CDKAL1: variants seen among roughly 807,000 people sequenced by gnomAD.
CDKAL1 encodes CDKAL1 threonylcarbamoyladenosine tRNA methylthiotransferase.
Under a neutral mutation model 68.2 loss-of-function variants are expected in CDKAL1, and 32 were observed. That is an observed-to-expected ratio of 0.47 (90% confidence interval 0.35 to 0.63). The LOEUF is 0.63. CDKAL1 is among the 30% of genes least tolerant of loss of function. The pLI is 0.00. For missense variants in CDKAL1, 606 were observed against 696.7 expected, an observed-to-expected ratio of 0.87 and a Z score of 1.47; for synonymous variants, 234 against 244.3, an observed-to-expected ratio of 0.96 and a Z score of 0.39.
At chr6:20,659,686 T>G (rs1234374437) in intron 5 of CDKAL1, among the ~76,000 whole-genome samples, 3 of 152,216 alleles carry the variant, frequency 2.0e-5, no homozygotes, top group East Asian at 3.9e-4. Flanking sequence ...TATATCCCAC[T>G]GCTTCCTTGA....
chr6:20,603,335 G>T (rs905649927), intron 4 of CDKAL1, among the ~76,000 whole-genome samples: 2 of 152,150 alleles, frequency 1.3e-5, no homozygotes, highest in Non-Finnish European at 1.5e-5. Context: ...TTAGCCATAG[G>T]TTGGGAACAA....
In CDKAL1 at chr6:20,586,978, G is replaced by GTTTTT. The variant is rs750210435; in HGVS notation, c.286+38294_286+38298dup. Among the ~76,000 whole-genome samples the GTTTTT allele has an allele frequency of 5.7e-3, 252 of 44,416 alleles. 22 individuals carry two copies. Among genetic ancestry groups the GTTTTT allele is most frequent in the African/African-American group, 0.012 (124 of 10,478 alleles). 29.1% of individuals were successfully genotyped at this position (44,416 alleles called of 152,430 possible). ...TGCCTGGAATGTTCTTCCTCCAGGT[G>GTTTTT]TTTTTTTTTTTTTTTTTTTTTTTTT... On this transcript the variant is annotated intron_variant, in intron 4 of 15. Coordinates refer to ENST00000274695, the MANE Select transcript of CDKAL1 (RefSeq NM_017774.3).
At chr6:21,100,203 A>G (rs1014421983) in intron 12 of CDKAL1, among the ~76,000 whole-genome samples, 1 of 152,206 alleles carries the variant, frequency 6.6e-6, no homozygotes, top group African/African-American at 2.4e-5. Flanking sequence ...GAAAAAAAAA[A>G]AGTATTTCCC....
intron 9 of CDKAL1, among the ~76,000 whole-genome samples, chr6:20,941,072 C>T (rs186185447): frequency 0.029 from 4,349 of 148,480 alleles, 90 homozygotes; most frequent in Middle Eastern, 0.055. Flanking sequence ...GGGCGACAGA[C>T]GGAGCAAGAC....
chr6:20,666,981 G>T (rs950491620), intron 5 of CDKAL1, among the ~76,000 whole-genome samples: 1 of 147,104 alleles, frequency 6.8e-6, no homozygotes, highest in Non-Finnish European at 1.5e-5. Context: ...AATAGATTTG[G>T]AACTTTTATC....
chr6:20,657,681 C>G (rs1277237138), intron 5 of CDKAL1, among the ~76,000 whole-genome samples: 1 of 152,004 alleles, frequency 6.6e-6, no homozygotes, highest in Non-Finnish European at 1.5e-5. Flanking sequence ...CAGTTATGGA[C>G]TGAATTATTT....
At chr6:20,877,683 T>A in intron 9 of CDKAL1, among the ~76,000 whole-genome samples, 1 of 152,244 alleles carries the variant, frequency 6.6e-6, no homozygotes, top group African/African-American at 2.4e-5. Context: ...CATGCACACA[T>A]GACTCATGAC....
At chr6:20,913,825 T>A (rs577911671) in intron 9 of CDKAL1, among the ~76,000 whole-genome samples, 2 of 152,126 alleles carry the variant, frequency 1.3e-5, no homozygotes, top group Non-Finnish European at 2.9e-5. Flanking sequence ...TAAAAAATAA[T>A]AATAAATAAA....
At chr6:21,108,561 C>T in intron 13 of CDKAL1, 98 bp downstream of exon 13, 8 of 694,512 alleles carry the variant, frequency 1.2e-5, no homozygotes, top group Middle Eastern at 4.0e-4. Context: ...ATACACTTAC[C>T]AATTACATTT....
chr6:20,890,170 T>C (rs1345122925), intron 9 of CDKAL1, among the ~76,000 whole-genome samples: 3 of 152,236 alleles, frequency 2.0e-5, no homozygotes, highest in African/African-American at 7.2e-5. Flanking sequence ...AACACCTGTA[T>C]GTTTATGGGA....
chr6:20,997,884 C>T (rs1296700049), intron 10 of CDKAL1, among the ~76,000 whole-genome samples: 1 of 151,182 alleles, frequency 6.6e-6, no homozygotes, highest in Non-Finnish European at 1.5e-5. Context: ...AAATACTTAC[C>T]AAAAGAAAAA....
intron 4 of CDKAL1, among the ~76,000 whole-genome samples, chr6:20,555,407 G>A (rs1211062702): frequency 1.3e-5 from 2 of 151,824 alleles, no homozygotes; most frequent in Non-Finnish European, 2.9e-5. Context: ...TGTATCCTCC[G>A]CCTCCTGAGT....
At chr6:20,587,055 C>T (rs1167677705) in intron 4 of CDKAL1, among the ~76,000 whole-genome samples, 4 of 130,912 alleles carry the variant, frequency 3.1e-5, no homozygotes, top group African/African-American at 8.7e-5. Context: ...GGCAAGATCT[C>T]GGCTCACTGC....
At chr6:20,608,211 G>C (rs1487938122) in intron 4 of CDKAL1, among the ~76,000 whole-genome samples, 2 of 152,066 alleles carry the variant, frequency 1.3e-5, no homozygotes, top group Non-Finnish European at 2.9e-5. Context: ...AGTTGAGAAA[G>C]TTTTTGAACT....
chr6:20,801,741 A>G (rs774750593), intron 8 of CDKAL1, among the ~76,000 whole-genome samples: 2 of 152,198 alleles, frequency 1.3e-5, no homozygotes, highest in Non-Finnish European at 2.9e-5. Flanking sequence ...TAATTTCGCA[A>G]TGGAAATATA....
At chr6:20,935,983 T>C (rs1051234003) in intron 9 of CDKAL1, among the ~76,000 whole-genome samples, 1 of 152,220 alleles carries the variant, frequency 6.6e-6, no homozygotes, top group Non-Finnish European at 1.5e-5. Flanking sequence ...TTCACACTGC[T>C]GCACCTTGTC....
intron 5 of CDKAL1, among the ~76,000 whole-genome samples, chr6:20,674,015 T>G (rs983225534): frequency 1.3e-5 from 2 of 152,184 alleles, no homozygotes; most frequent in Admixed American, 1.3e-4. Flanking sequence ...CATAGAGGAT[T>G]TCTCTCTCAT....
At chr6:20,869,244 T>C (rs1760067404) in intron 9 of CDKAL1, among the ~76,000 whole-genome samples, 1 of 152,216 alleles carries the variant, frequency 6.6e-6, no homozygotes, top group African/African-American at 2.4e-5. Flanking sequence ...TAAGTAAAGC[T>C]AACTGTCCCT....
At chr6:21,131,697 T>A (rs1775330331) in intron 13 of CDKAL1, among the ~76,000 whole-genome samples, 1 of 152,220 alleles carries the variant, frequency 6.6e-6, no homozygotes, top group Admixed American at 6.5e-5. Flanking sequence ...TACTCTAAAA[T>A]GTTATTGATC....
Sources: allele counts gnomAD v4.1 joint callset (sites outside exome capture counted in the v4.1 genomes callset), GRCh38; gene constraint gnomAD v4.1.1; transcripts MANE v1.5; gene names NCBI Gene and HGNC (gene_info 2026-07-23, HGNC 2026-07-21).